Variants in LRRC14B observed in about 807,000 individuals in gnomAD.
LRRC14B encodes leucine rich repeat containing 14B.
Under a neutral mutation model 16.9 loss-of-function variants are expected in LRRC14B, and 23 were observed. The ratio of observed to expected loss-of-function variants is 1.36; its 90% CI spans 0.98 to 1.92. LRRC14B has a LOEUF of 1.92. LRRC14B is among the 30% of genes most tolerant of loss of function. The pLI is 0.00. For missense variants in LRRC14B, 766 were observed against 705.7 expected, an observed-to-expected ratio of 1.09 and a Z score of -0.97; for synonymous variants, 358 against 332.5, an observed-to-expected ratio of 1.08 and a Z score of -0.83.
In LRRC14B at chr5:191,664, C is replaced by T; in HGVS notation, c.126C>T (p.Tyr42=). 1.2e-6 allele frequency: 2 copies of T among 1,607,042 alleles called. No individual in the cohort carries two copies. The highest frequency in any genetic ancestry group is 1.7e-6 in the Non-Finnish European group (2 of 1,177,294). Reference sequence around the variant, plus strand: ...ACCCACTCCTGTTCAAAGCCAGCTACCTGCTGGAGCAGGCGGAGGTGACGC... The same window carrying T: ...ACCCACTCCTGTTCAAAGCCAGCTATCTGCTGGAGCAGGCGGAGGTGACGC... The part of the protein sequence containing the change: ...NLYPLLFKAS[Y]LLEQAEVTRA... The change falls in exon 1 of 2, where the codon TAC becomes TAT. Residue 42 remains tyrosine (Y), a synonymous_variant. Transcript: ENST00000328278.
Position 195,199 on chromosome 5 carries a change from G to A in LRRC14B, c.1391G>A (p.Arg464Gln), listed in dbSNP as rs764290390. ...IAEELRAVLL[R>Q]ADREDIQVST... The stretch of plus-strand genomic sequence containing the variant: ...GAGGAGCTGCGTGCCGTGCTGCTGC[G>A]GGCTGACCGAGAGGACATCCAAGTC... The change falls in exon 2 of 2, where the codon CGG (arginine) becomes CAG (glutamine). Residue 464 changes from arginine (R) to glutamine (Q), a missense_variant. Coordinates refer to ENST00000328278, the MANE Select transcript of LRRC14B (RefSeq NM_001080478.3). 51 of 1,613,662 alleles carry A rather than the reference G, an allele frequency of 3.2e-5. No homozygotes were observed. Among genetic ancestry groups the A allele is most frequent in the Non-Finnish European group, 3.9e-5 (46 of 1,179,894 alleles).
Position 191,529 on chromosome 5 carries a change from G to T in LRRC14B, c.-10G>T, listed in dbSNP as rs1323461349. 1.2e-6 allele frequency: 2 copies of T among 1,601,654 alleles called. No individual in the cohort carries two copies. Among genetic ancestry groups the T allele is most frequent in the Non-Finnish European group, 8.5e-7 (1 of 1,171,818 alleles). On this transcript the variant is annotated 5_prime_UTR_variant, in exon 1 of 2. Transcript: ENST00000328278. The stretch of plus-strand genomic sequence containing the variant: ...GGGGAAAGTCGTGGGGAGCGGTCCT[G>T]TCTCGGGCCATGGACACAATGAGGT...
intron 1 of LRRC14B, among the ~76,000 whole-genome samples, chr5:193,550 C>T (rs57119802): frequency 0.2 from 23,789 of 118,818 alleles, 3,288 homozygotes; most frequent in African/African-American, 0.43. Flanking sequence ...GGTGGTGAGT[C>T]CTGGGGTGGG....
At chr5:192,502 G>A in intron 1 of LRRC14B, 65 bp downstream of exon 1, 1 of 1,405,102 alleles carries the variant, frequency 7.1e-7, no homozygotes, top group Non-Finnish European at 9.3e-7. Context: ...GATCGTCCAG[G>A]GGCCTGCTCA....
At position 192,351 on chromosome 5, in the gene LRRC14B, C is replaced by T. The variant is rs750526756; in HGVS notation, c.813C>T (p.Ile271=). ...PDGEDPLLAS[I]ARELSKMAQL... Reference sequence around the variant, plus strand: ...GCGAGGACCCCCTCCTCGCCTCCATCGCCCGGGAGCTCAGCAAGATGGCGC... The same window carrying T: ...GCGAGGACCCCCTCCTCGCCTCCATTGCCCGGGAGCTCAGCAAGATGGCGC... Residue 271 remains isoleucine, a synonymous_variant, in exon 1 of 2, where the codon ATC becomes ATT. Transcript: ENST00000328278. 8 of 1,592,324 alleles carry T rather than the reference C, an allele frequency of 5.0e-6. No individual in the cohort carries two copies. Among genetic ancestry groups the T allele is most frequent in the Middle Eastern group, 1.7e-4 (1 of 6,056 alleles).
At position 192,039 on chromosome 5, in the gene LRRC14B, C is replaced by A; in HGVS notation, c.501C>A (p.Gly167=). The A allele has an allele frequency of 6.5e-7, 1 of 1,541,396 alleles. No individual in the cohort carries two copies. The highest frequency in any genetic ancestry group is 1.9e-5 in the Admixed American group (1 of 51,756). The change falls in exon 1 of 2, where the codon GGC becomes GGA. Residue 167 remains glycine (G), a synonymous_variant. Transcript: ENST00000328278. The part of the protein sequence containing the change: ...EVLADLFVTE[G]NFEAVVQALR... Reference sequence around the variant, plus strand: ...TCGCCGACCTCTTCGTCACTGAGGGCAACTTCGAGGCGGTGGTGCAGGCTC... The same window carrying A: ...TCGCCGACCTCTTCGTCACTGAGGGAAACTTCGAGGCGGTGGTGCAGGCTC...
intron 1 of LRRC14B, among the ~76,000 whole-genome samples, chr5:194,165 GC>G (rs1206173406): frequency 7.4e-5 from 11 of 148,436 alleles, no homozygotes; most frequent in Non-Finnish European, 1.7e-4. Flanking sequence ...TGGTCTCACT[GC>G]CCCCCGCCGT....
Position 192,146 on chromosome 5 carries a change from A to T in LRRC14B, c.608A>T (p.His203Leu), listed in dbSNP as rs1305876932. 1 of 1,592,710 alleles carries T rather than the reference A, an allele frequency of 6.3e-7. No homozygotes were observed. The highest frequency in any genetic ancestry group is 2.3e-5 in the East Asian group (1 of 43,814). ...ADSLSPSQLL[H>L]VLRLAGPGAL... ...AGCCTGAGCCCCAGCCAGCTCCTGC[A>T]CGTGCTGCGTCTGGCTGGCCCGGGT... The change falls in exon 1 of 2, where the codon CAC becomes CTC. Residue 203 changes from histidine (H) to leucine (L), a missense_variant. His to Leu is a moderately conservative substitution (Grantham distance 99, BLOSUM62 -3). Transcript: ENST00000328278.
rs1339539771 is a variant in LRRC14B, at chr5:191,895, G to A, written c.357G>A (p.Gln119=). 2.6e-6 allele frequency: 4 copies of A among 1,511,670 alleles called. No individual in the cohort carries two copies. The highest frequency in any genetic ancestry group is 2.5e-5 in the South Asian group (2 of 80,900). 93.6% of individuals were successfully genotyped at this position (1,511,670 alleles called of 1,614,324 possible). ...VADLTGIRDV[Q]VQRCPCGRAL... ...ACCTCACGGGCATCCGAGATGTGCA[G>A]GTGCAGCGGTGCCCGTGCGGGAGGG... The change falls in exon 1 of 2, where the codon CAG becomes CAA. Residue 119 remains glutamine (Q), a synonymous_variant. Transcript: ENST00000328278.
In LRRC14B at chr5:192,121, A is replaced by G. The variant is rs1308604139; in HGVS notation, c.583A>G (p.Ser195Gly). 3.2e-6 allele frequency: 5 copies of G among 1,572,136 alleles called. No homozygotes were observed. The East Asian group carries it at 1.2e-4, about 37-fold the overall frequency. ...RVHCPSFRAD[S>G]LSPSQLLHVL... ...GCACTGCCCCTCGTTCCGGGCGGACAGCCTGAGCCCCAGCCAGCTCCTGCA... is the reference window on the plus strand; with the variant it reads ...GCACTGCCCCTCGTTCCGGGCGGACGGCCTGAGCCCCAGCCAGCTCCTGCA... The change falls in exon 1 of 2, where the codon AGC becomes GGC. Residue 195 changes from serine (S) to glycine (G), a missense_variant. Ser to Gly is a moderately conservative substitution (Grantham distance 56). Coordinates refer to ENST00000328278, the MANE Select transcript of LRRC14B (RefSeq NM_001080478.3).
chr5:192,058 C>T lies in LRRC14B; in HGVS notation c.520C>T (p.Gln174Ter). The T allele has an allele frequency of 6.5e-7, 1 of 1,545,160 alleles. No individual in the cohort carries two copies. Among genetic ancestry groups the T allele is most frequent in the Non-Finnish European group, 8.7e-7 (1 of 1,150,738 alleles). Residue 174 changes from glutamine to a stop codon, truncating the protein, a stop_gained, in exon 1 of 2, where the codon CAG (glutamine) becomes TAG (stop). Coordinates refer to ENST00000328278, the MANE Select transcript of LRRC14B (RefSeq NM_001080478.3). LOFTEE classifies it high-confidence loss of function. ...VTEGNFEAVV[Q>*]ALRPAGPAPL... ...TGAGGGCAACTTCGAGGCGGTGGTG[C>T]AGGCTCTGAGGCCAGCGGGCCCGGC...
rs759361941 is a variant in LRRC14B, at chr5:192,334, C to G, written c.796C>G (p.Pro266Ala). 1.9e-6 allele frequency: 3 copies of G among 1,597,088 alleles called. No individual in the cohort carries two copies. The highest frequency in any genetic ancestry group is 1.7e-5 in the Admixed American group (1 of 58,342). Residue 266 changes from proline to alanine, a missense_variant, in exon 1 of 2, where the codon CCC (proline) becomes GCC (alanine). Pro to Ala is a conservative substitution (Grantham distance 27, BLOSUM62 -1). Coordinates refer to ENST00000328278, the MANE Select transcript of LRRC14B (RefSeq NM_001080478.3). ...TYASTPDGED[P>A]LLASIARELS... Reference sequence around the variant, plus strand: ...CGCCTCCACTCCCGACGGCGAGGACCCCCTCCTCGCCTCCATCGCCCGGGA... The same window carrying G: ...CGCCTCCACTCCCGACGGCGAGGACGCCCTCCTCGCCTCCATCGCCCGGGA...
In LRRC14B at chr5:194,708, C is replaced by T. The variant is rs778525709; in HGVS notation, c.900C>T (p.Gly300=). ...TLTGKIPTLL[G]PLQTPLRVLD... is the part of the protein sequence containing the mutation. ...GTGCTCTTTCCCCCGTGTCCTGCAGCCCCCTACAGACCCCGCTGCGAGTAC... is the reference window on the plus strand; with the variant it reads ...GTGCTCTTTCCCCCGTGTCCTGCAGTCCCCTACAGACCCCGCTGCGAGTAC... Residue 300 remains glycine (G), a splice_region_variant and synonymous_variant, in exon 2 of 2, where the codon GGC becomes GGT. Coordinates refer to ENST00000328278, the MANE Select transcript of LRRC14B (RefSeq NM_001080478.3). 6.2e-7 allele frequency: 1 copy of T among 1,600,340 alleles called. No individual in the cohort carries two copies.
At chr5:193,638 G>A (rs1297979348) in intron 1 of LRRC14B, among the ~76,000 whole-genome samples, 3 of 150,928 alleles carry the variant, frequency 2.0e-5, no homozygotes, top group Non-Finnish European at 4.4e-5. Flanking sequence ...GGTCCTGAAG[G>A]ATGGGGGTGC....
rs375704908 is a variant in LRRC14B at position 192,316 on chromosome 5, A to G, written c.778A>G (p.Thr260Ala). Residue 260 changes from threonine (T) to alanine (A), a missense_variant, in exon 1 of 2, where the codon ACT becomes GCT. Coordinates refer to ENST00000328278, the MANE Select transcript of LRRC14B (RefSeq NM_001080478.3). The part of the protein sequence containing the change: ...AFDAPPTYAS[T>A]PDGEDPLLAS... Reference sequence around the variant, plus strand: ...TGATGCACCCCCCACCTACGCCTCCACTCCCGACGGCGAGGACCCCCTCCT... The same window carrying G: ...TGATGCACCCCCCACCTACGCCTCCGCTCCCGACGGCGAGGACCCCCTCCT... 3 of 1,598,176 alleles carry G rather than the reference A, an allele frequency of 1.9e-6. No individual in the cohort carries two copies. Among genetic ancestry groups the G allele is most frequent in the Non-Finnish European group, 2.6e-6 (3 of 1,173,868 alleles).
intron 1 of LRRC14B, among the ~76,000 whole-genome samples, chr5:193,180 A>C (rs544665960): frequency 6.7e-6 from 1 of 148,924 alleles, no homozygotes; most frequent in African/African-American, 2.5e-5. Flanking sequence ...GGTGCCTGGC[A>C]ATGGGTGCTG....
chr5:194,936 C>G lies in LRRC14B; in HGVS notation c.1128C>G (p.His376Gln). 1 of 1,612,870 alleles carries G rather than the reference C, an allele frequency of 6.2e-7. No homozygotes were observed. The highest frequency in any genetic ancestry group is 1.3e-5 in the African/African-American group (1 of 75,048). The change falls in exon 2 of 2, where the codon CAC becomes CAG. Residue 376 changes from histidine to glutamine, a missense_variant. Coordinates refer to ENST00000328278, the MANE Select transcript of LRRC14B (RefSeq NM_001080478.3). ...AGGAGTGTGGCATCGTAGACAGCCA[C>G]GTTGGCATGCTGATCCTGGGCCTGA... ...TLEECGIVDSHVGMLILGLSP... is the reference protein window; with the variant it reads ...TLEECGIVDSQVGMLILGLSP...
Position 194,717 on chromosome 5 carries a change from G to A in LRRC14B, c.909G>A (p.Gln303=). ...GKIPTLLGPL[Q]TPLRVLDLAN... The stretch of plus-strand genomic sequence containing the variant: ...CCCCCGTGTCCTGCAGCCCCCTACA[G>A]ACCCCGCTGCGAGTACTGGACCTGG... Residue 303 remains glutamine, a synonymous_variant, in exon 2 of 2, where the codon CAG becomes CAA. Coordinates refer to ENST00000328278, the MANE Select transcript of LRRC14B (RefSeq NM_001080478.3). 1 of 1,607,626 alleles carries A rather than the reference G, an allele frequency of 6.2e-7. No homozygotes were observed. Among genetic ancestry groups the A allele is most frequent in the African/African-American group, 1.3e-5 (1 of 74,956 alleles).
Position 194,975 on chromosome 5 carries a change from G to A in LRRC14B, c.1167G>A (p.Arg389=). Residue 389 remains arginine, a synonymous_variant, in exon 2 of 2, where the codon CGG becomes CGA. Transcript: ENST00000328278. ...TCCTGGGCCTGAGCCCCTGCCACCGGCTGCGCCAGCTCAAGTTCCTCGGGA... is the reference window on the plus strand; with the variant it reads ...TCCTGGGCCTGAGCCCCTGCCACCGACTGCGCCAGCTCAAGTTCCTCGGGA... ...MLILGLSPCH[R]LRQLKFLGNP... is the part of the protein sequence containing the mutation. 3 of 1,613,446 alleles carry A rather than the reference G, an allele frequency of 1.9e-6. No individual in the cohort carries two copies. Among genetic ancestry groups the A allele is most frequent in the Non-Finnish European group, 2.5e-6 (3 of 1,179,820 alleles).
Sources: allele counts gnomAD v4.1 joint callset (sites outside exome capture counted in the v4.1 genomes callset), GRCh38; gene constraint gnomAD v4.1.1; transcripts MANE v1.5; gene names NCBI Gene and HGNC (gene_info 2026-07-23, HGNC 2026-07-21).